Variants in GBP6 observed in about 807,000 individuals in gnomAD.
The protein encoded by GBP6 is guanylate binding protein family member 6.
Under a neutral mutation model 61.5 loss-of-function variants are expected in GBP6, and 54 were observed. That is an observed-to-expected ratio of 0.88 (90% CI 0.71 to 1.10). GBP6 has a LOEUF of 1.10. Among genes scored for constraint, GBP6 ranks in the 50% least tolerant of loss-of-function variants. GBP6 has a pLI of 0.00. For missense variants in GBP6, 748 were observed against 752.8 expected, an observed-to-expected ratio of 0.99 and a Z score of 0.07; for synonymous variants, 255 against 273.7, an observed-to-expected ratio of 0.93 and a Z score of 0.67.
At chr1:89,366,453 A>G (rs1652469901) in intron 1 of GBP6, among the ~76,000 whole-genome samples, 1 of 152,056 alleles carries the variant, frequency 6.6e-6, no homozygotes. Flanking sequence ...TTCTATTCCC[A>G]TCACTCTTCC....
At position 89,369,584 on chromosome 1, in the gene GBP6, G is replaced by A. The variant is rs770541907; in HGVS notation, c.229G>A (p.Gly77Ser). The A allele has an allele frequency of 6.2e-7, 1 of 1,614,068 alleles. No homozygotes were observed. Among genetic ancestry groups the A allele is most frequent in the Non-Finnish European group, 8.5e-7 (1 of 1,179,966 alleles). The part of the protein sequence containing the change: ...LGSTVQSETK[G>S]IWMWCVPHPS... Reference sequence around the variant, plus strand: ...CTCCACGGTGCAGTCTGAAACCAAGGGCATCTGGATGTGGTGCGTGCCCCA... The same window carrying A: ...CTCCACGGTGCAGTCTGAAACCAAGAGCATCTGGATGTGGTGCGTGCCCCA... Residue 77 changes from glycine to serine, a missense_variant, in exon 3 of 11, where the codon GGC (glycine) becomes AGC (serine). Gly to Ser is a moderately conservative substitution (Grantham distance 56). Transcript: ENST00000370456.
At chr1:89,365,150 T>C (rs111273422) in intron 1 of GBP6, among the ~76,000 whole-genome samples, 4 of 152,190 alleles carry the variant, frequency 2.6e-5, no homozygotes, top group East Asian at 1.9e-4. Flanking sequence ...CAAAAGAAAC[T>C]ATCATCAGAG....
intron 5 of GBP6, 21 bp downstream of exon 5, chr1:89,378,634 C>T: frequency 6.3e-7 from 1 of 1,589,602 alleles, no homozygotes; most frequent in Non-Finnish European, 8.6e-7. Context: ...GTGGCCTGGG[C>T]TGTGGGTGGT....
At chr1:89,366,650 G>A (rs115639746) in intron 1 of GBP6, among the ~76,000 whole-genome samples, 1 of 152,122 alleles carries the variant, frequency 6.6e-6, no homozygotes, top group Admixed American at 6.5e-5. Context: ...AGAGGAATAG[G>A]TTGCCCGATT....
In GBP6 at chr1:89,382,835, AT is replaced by A. The variant is rs1424143094; in HGVS notation, c.1326del (p.Ile442MetfsTer13). ...HKLYMETKER[I>X]EQDYWQVPRK... ...GCTCTACATGGAAACAAAGGAAAGG[AT>A]TGAACAGGACTATTGGCAAGTTCCC... is the stretch of plus-strand genomic sequence containing the variant. On this transcript the variant is annotated frameshift_variant, in exon 8 of 11. Coordinates refer to ENST00000370456, the MANE Select transcript of GBP6 (RefSeq NM_198460.3). LOFTEE classifies it high-confidence loss of function. 5 of 1,614,124 alleles carry A rather than the reference AT, an allele frequency of 3.1e-6. No homozygotes were observed. In the South Asian group the frequency reaches 5.5e-5, roughly 18 times the overall value.
In GBP6 at chr1:89,384,280, G is replaced by T; in HGVS notation, c.1656G>T (p.Thr552=). The T allele has an allele frequency of 1.2e-6, 2 of 1,610,012 alleles. No homozygotes were observed. The highest frequency in any genetic ancestry group is 1.7e-6 in the Non-Finnish European group (2 of 1,178,112). ...LREQIMMLEH[T]QKVQNDWLHE... Reference sequence around the variant, plus strand: ...AGCAGATTATGATGTTGGAGCACACGCAGAAGGTAAGTCTGCCCTTGGCCT... The same window carrying T: ...AGCAGATTATGATGTTGGAGCACACTCAGAAGGTAAGTCTGCCCTTGGCCT... Residue 552 remains threonine, a synonymous_variant, in exon 10 of 11, where the codon ACG becomes ACT. Transcript: ENST00000370456.
chr1:89,381,725 G>A lies in GBP6; in HGVS notation c.903G>A (p.Glu301=). The change falls in exon 7 of 11, where the codon GAG becomes GAA. Residue 301 remains glutamate, a synonymous_variant. Coordinates refer to ENST00000370456, the MANE Select transcript of GBP6 (RefSeq NM_198460.3). ...RLGTLAVTYV[E]AINSGAVPCL... ...GAACTCTGGCAGTGACTTATGTAGA[G>A]GCCATCAACAGTGGAGCAGTGCCTT... 2 of 1,613,906 alleles carry A rather than the reference G, an allele frequency of 1.2e-6. No homozygotes were observed. The highest frequency in any genetic ancestry group is 1.7e-6 in the Non-Finnish European group (2 of 1,179,866).
At chr1:89,373,400 G>T (rs1432784741) in intron 3 of GBP6, among the ~76,000 whole-genome samples, 1 of 152,170 alleles carries the variant, frequency 6.6e-6, no homozygotes, top group Non-Finnish European at 1.5e-5. Flanking sequence ...CAGTAGCAAA[G>T]ACTTGGAACC....
At position 89,380,486 on chromosome 1, in the gene GBP6, C is replaced by T; in HGVS notation, c.726C>T (p.Asp242=). 1 of 1,614,092 alleles carries T rather than the reference C, an allele frequency of 6.2e-7. No individual in the cohort carries two copies. Among genetic ancestry groups the T allele is most frequent in the Non-Finnish European group, 8.5e-7 (1 of 1,180,008 alleles). The change falls in exon 6 of 11, where the codon GAC becomes GAT. Residue 242 remains aspartate, a synonymous_variant. Transcript: ENST00000370456. Reference sequence around the variant, plus strand: ...TCGTCTTTGACCGGCCAACAAATGACAAAGACCTTCTAGCCAATATTGAGA... The same window carrying T: ...TCGTCTTTGACCGGCCAACAAATGATAAAGACCTTCTAGCCAATATTGAGA... ...KCFVFDRPTN[D]KDLLANIEKV...
chr1:89,381,093 T>C (rs1422717994), intron 6 of GBP6, among the ~76,000 whole-genome samples: 3 of 151,952 alleles, frequency 2.0e-5, no homozygotes, highest in Non-Finnish European at 4.4e-5. Flanking sequence ...GAGACCAGCC[T>C]GAACAACATG....
At chr1:89,365,128 G>C (rs1652434881) in intron 1 of GBP6, among the ~76,000 whole-genome samples, 1 of 152,150 alleles carries the variant, frequency 6.6e-6, no homozygotes, top group African/African-American at 2.4e-5. Context: ...TAATTAAAGA[G>C]CTTCTGCACA....
At chr1:89,373,477 A>G (rs1487268929) in intron 3 of GBP6, among the ~76,000 whole-genome samples, 1 of 152,228 alleles carries the variant, frequency 6.6e-6, no homozygotes, top group Non-Finnish European at 1.5e-5. Flanking sequence ...ATGGAATACT[A>G]TGCAGCCATA....
At chr1:89,379,217 G>T (rs1361547854) in intron 5 of GBP6, among the ~76,000 whole-genome samples, 1 of 152,128 alleles carries the variant, frequency 6.6e-6, no homozygotes, top group South Asian at 2.1e-4. Context: ...GAACAACAGA[G>T]GGGGGTGGTC....
chr1:89,364,905 C>T (rs1470037856), intron 1 of GBP6, among the ~76,000 whole-genome samples: 1 of 151,630 alleles, frequency 6.6e-6, no homozygotes, highest in South Asian at 2.1e-4. Context: ...AGGTTTTAAG[C>T]CCCGCATGCA....
chr1:89,371,431 C>A (rs1048730620), intron 3 of GBP6, among the ~76,000 whole-genome samples: 3 of 152,042 alleles, frequency 2.0e-5, no homozygotes, highest in Admixed American at 6.6e-5. Context: ...ACTGGCAAAC[C>A]GAATCCAGCA....
At position 89,384,269 on chromosome 1, in the gene GBP6, T is replaced by C. The variant is rs752174052; in HGVS notation, c.1645T>C (p.Leu549=). 9.3e-6 allele frequency: 15 copies of C among 1,612,498 alleles called. No homozygotes were observed. Among genetic ancestry groups the C allele is most frequent in the Non-Finnish European group, 1.3e-5 (15 of 1,179,350 alleles). The change falls in exon 10 of 11, where the codon TTG becomes CTG. Residue 549 remains leucine (L), a synonymous_variant. Transcript: ENST00000370456. ...CCTACTGAGAGAGCAGATTATGATG[T>C]TGGAGCACACGCAGAAGGTAAGTCT... ...EHLLREQIMM[L]EHTQKVQNDW... is the part of the protein sequence containing the mutation.
At chr1:89,378,304 T>C (rs1271501448) in intron 4 of GBP6, 92 bp downstream of exon 4, 5 of 1,517,696 alleles carry the variant, frequency 3.3e-6, no homozygotes, top group Non-Finnish European at 4.5e-6. Flanking sequence ...TTGATGTAAT[T>C]ACCTGTGGTG....
In GBP6 at chr1:89,387,648, TG is replaced by T. The variant is rs1172803141; in HGVS notation, c.*2180del. 6.6e-5 allele frequency among the ~76,000 whole-genome samples: 10 copies of T among 152,192 alleles called. No individual in the cohort carries two copies. The highest frequency in any genetic ancestry group is 1.0e-4 in the Non-Finnish European group (7 of 68,028). ...GGTCTCTGAGGTGGTTTAAAGGCTA[TG>T]AGGCCAGGTGCAGTGGCTCACGCCT... On this transcript the variant is annotated 3_prime_UTR_variant, in exon 11 of 11. Transcript: ENST00000370456.
At chr1:89,371,270 A>T (rs999802968) in intron 3 of GBP6, among the ~76,000 whole-genome samples, 4 of 152,196 alleles carry the variant, frequency 2.6e-5, no homozygotes, top group African/African-American at 9.6e-5. Context: ...AAACTATTCC[A>T]ATCAATAGAA....
Sources: gnomAD v4.1 joint callset for allele counts (sites outside exome capture counted in the v4.1 genomes callset) on GRCh38, gnomAD v4.1.1 for gene constraint, MANE v1.5 for transcripts, NCBI Gene and HGNC (gene_info 2026-07-23, HGNC 2026-07-21) for gene names.